TLK2: variants seen among roughly 807,000 people sequenced by gnomAD.
TLK2 encodes tousled like kinase 2.
In TLK2, 6 loss-of-function variants were observed where a neutral mutation model predicts 117.3. The observed-to-expected ratio is 0.05, with a 90% CI of 0.03 to 0.10. TLK2 has a LOEUF of 0.10. TLK2 is among the 10% of genes least tolerant of loss of function. TLK2 has a pLI of 1.00. For missense variants in TLK2, 299 were observed against 901.2 expected (o/e 0.33, Z 8.56); for synonymous variants, 257 against 316.7 (o/e 0.81, Z 2.00).
chr17:62,478,700 C>T (rs1445608589), upstream of TLK2, among the ~76,000 whole-genome samples: 3 of 127,300 alleles, frequency 2.4e-5, no homozygotes, highest in Non-Finnish European at 5.0e-5. Flanking sequence ...CCCCACCTTC[C>T]TCGTCCCCTC....
chr17:62,541,390 A>G (rs2077522482), intron 7 of TLK2, among the ~76,000 whole-genome samples: 1 of 152,206 alleles, frequency 6.6e-6, no homozygotes, highest in Non-Finnish European at 1.5e-5. Flanking sequence ...ATGAGTTAGT[A>G]AAAGCATTCT....
chr17:62,508,441 T>C, intron 2 of TLK2: 2 of 974,012 alleles, frequency 2.1e-6, no homozygotes, highest in Non-Finnish European at 2.4e-6. Flanking sequence ...AAACAATAAA[T>C]ATGCAAGAAG....
chr17:62,574,137 A>C (rs1023187190), intron 12 of TLK2, among the ~76,000 whole-genome samples: 1 of 152,202 alleles, frequency 6.6e-6, no homozygotes, highest in African/African-American at 2.4e-5. Flanking sequence ...TAGTTCACAA[A>C]AACAACACAT....
intron 11 of TLK2, among the ~76,000 whole-genome samples, chr17:62,569,701 A>G (rs2080117519): frequency 6.6e-6 from 1 of 152,066 alleles, no homozygotes. Context: ...TGCTGGGATT[A>G]CAGGTGTGAG....
chr17:62,471,888 CT>C (rs869092720), intron 1 of TLK2, among the ~76,000 whole-genome samples: 13 of 37,778 alleles, frequency 3.4e-4, no homozygotes, highest in African/African-American at 8.8e-4. Flanking sequence ...GTAGTATAGT[CT>C]TTTTTTTTTT....
At chr17:62,489,998 T>A (rs1473168871) in intron 2 of TLK2, among the ~76,000 whole-genome samples, 2 of 152,148 alleles carry the variant, frequency 1.3e-5, no homozygotes, top group Non-Finnish European at 1.5e-5. Context: ...GCCTGGCTAA[T>A]TTTTGTATTT....
chr17:62,528,484 T>C (rs2076525056), intron 6 of TLK2, among the ~76,000 whole-genome samples: 1 of 152,166 alleles, frequency 6.6e-6, no homozygotes, highest in Non-Finnish European at 1.5e-5. Flanking sequence ...TGGCGCAATC[T>C]TGGCTCACTG....
intron 2 of TLK2, among the ~76,000 whole-genome samples, chr17:62,512,861 A>ATTATT (rs370355895): frequency 1.7e-3 from 246 of 141,156 alleles, no homozygotes; most frequent in African/African-American, 3.3e-3. Context: ...AAAATTTATT[A>ATTATT]ATTATTATTA....
At chr17:62,575,129 A>G (rs531145365) in intron 12 of TLK2, among the ~76,000 whole-genome samples, 5 of 152,350 alleles carry the variant, frequency 3.3e-5, no homozygotes, top group South Asian at 4.1e-4. Flanking sequence ...TCTTTGCCAC[A>G]GAAGAATAAT....
chr17:62,536,669 A>T (rs984863907), intron 7 of TLK2, among the ~76,000 whole-genome samples: 22 of 152,064 alleles, frequency 1.4e-4, no homozygotes, highest in African/African-American at 5.3e-4. Flanking sequence ...TATAATTAAA[A>T]ATAGAGTCTC....
chr17:62,532,363 G>A (rs764270433), intron 6 of TLK2, among the ~76,000 whole-genome samples: 3 of 152,148 alleles, frequency 2.0e-5, no homozygotes, highest in Admixed American at 2.0e-4. Flanking sequence ...TAATTTTACT[G>A]TTGCAGCTCG....
At chr17:62,482,538 C>T (rs1161291971) in intron 2 of TLK2, among the ~76,000 whole-genome samples, 1 of 151,732 alleles carries the variant, frequency 6.6e-6, no homozygotes, top group Non-Finnish European at 1.5e-5. Context: ...CAACCTCTGC[C>T]TCCTGGGTTC....
At chr17:62,590,492 G>A (rs982964325) in intron 16 of TLK2, among the ~76,000 whole-genome samples, 10 of 152,204 alleles carry the variant, frequency 6.6e-5, no homozygotes, top group African/African-American at 2.4e-4. Context: ...ATATTACAAG[G>A]AATCTTAATG....
Position 62,487,440 on chromosome 17 carries a change from A to G in TLK2, c.81+6234A>G, listed in dbSNP as rs548829746. The stretch of plus-strand genomic sequence containing the variant: ...AGGCTGAGGCAGGAGAATTGCTTGA[A>G]CGTGGGAGGCAGAGGTTGCAGTGAG... On this transcript the variant is annotated intron_variant, in intron 2 of 21. Coordinates refer to ENST00000346027, the MANE Select transcript of TLK2 (RefSeq NM_006852.6). 2.0e-4 allele frequency among the ~76,000 whole-genome samples: 30 copies of G among 151,210 alleles called. No homozygotes were observed. The East Asian group carries it at 5.2e-3, about 26-fold the overall frequency.
intron 6 of TLK2, among the ~76,000 whole-genome samples, chr17:62,532,174 TTTGTTG>T (rs892276656): frequency 1.3e-4 from 20 of 152,218 alleles, no homozygotes; most frequent in Admixed American, 3.9e-4. Flanking sequence ...TTAATGTTTT[TTTGTTG>T]TTGTTGTTGT....
intron 7 of TLK2, chr17:62,549,605 A>T (rs2078279141): frequency 6.6e-6 from 1 of 151,450 alleles, no homozygotes; most frequent in African/African-American, 2.4e-5. Context: ...CCTAGAGTAG[A>T]GAACATATTT....
intron 10 of TLK2, among the ~76,000 whole-genome samples, chr17:62,563,889 T>C (rs968077282): frequency 6.6e-6 from 1 of 152,116 alleles, no homozygotes; most frequent in African/African-American, 2.4e-5. Context: ...TTCTAGCGCA[T>C]TGAGGGGTTT....
rs766310862 is a variant in TLK2 at position 62,520,861 on chromosome 17, A to C, written c.153+17A>C. The C allele has an allele frequency of 6.2e-7, 1 of 1,611,744 alleles. No homozygotes were observed. On this transcript the variant is annotated intron_variant, in intron 3 of 21. Transcript: ENST00000346027. ...GAAGTAGAGGTAAGAAGCTATGTTC[A>C]TGGCAGGACTTTTCATACTTGTACG...
At chr17:62,505,139 C>T (rs542995795) in intron 2 of TLK2, among the ~76,000 whole-genome samples, 75 of 152,040 alleles carry the variant, frequency 4.9e-4, no homozygotes, top group African/African-American at 1.7e-3. Flanking sequence ...TCTGCCTGGC[C>T]GTGATTTTAT....
Sources: allele counts gnomAD v4.1 joint callset (sites outside exome capture counted in the v4.1 genomes callset), GRCh38; gene constraint gnomAD v4.1.1; transcripts MANE v1.5; gene names NCBI Gene and HGNC (gene_info 2026-07-23, HGNC 2026-07-21).